Variants in DSCAM observed in about 807,000 individuals in gnomAD.
DSCAM encodes the protein DS cell adhesion molecule, also known as cell adhesion molecule DSCAM.
DSCAM carries 47 observed loss-of-function variants against 217.7 expected under a neutral mutation model. The observed-to-expected ratio is 0.22, with a 90% confidence interval of 0.17 to 0.28. DSCAM has a LOEUF of 0.28. DSCAM is among the 10% of genes least tolerant of loss of function. The pLI is 1.00. For synonymous variants in DSCAM, 1,056 were observed against 1,015.3 expected (o/e 1.04, Z -0.76); for missense variants, 2,080 against 2,618.3 (o/e 0.79, Z 4.49).
At chr21:40,540,661 G>A (rs551184786) in intron 3 of DSCAM, among the ~76,000 whole-genome samples, 19 of 152,226 alleles carry the variant, frequency 1.2e-4, no homozygotes, top group Non-Finnish European at 2.6e-4. Context: ...GAGAGGGGGT[G>A]CTGCTTAGGC....
intron 3 of DSCAM, among the ~76,000 whole-genome samples, chr21:40,555,983 G>A (rs1254659478): frequency 6.6e-6 from 1 of 152,046 alleles, no homozygotes; most frequent in South Asian, 2.1e-4. Flanking sequence ...GGGTGAGAGA[G>A]GTACCTGTTA....
At chr21:40,660,692 G>A (rs780221368) in intron 3 of DSCAM, among the ~76,000 whole-genome samples, 25 of 152,246 alleles carry the variant, frequency 1.6e-4, no homozygotes, top group Non-Finnish European at 3.1e-4. Context: ...TCTAAAATGT[G>A]AGAAATTCTG....
At chr21:40,492,573 A>G (rs2076084651) in intron 3 of DSCAM, among the ~76,000 whole-genome samples, 1 of 152,134 alleles carries the variant, frequency 6.6e-6, no homozygotes, top group Non-Finnish European at 1.5e-5. Context: ...TTCTGGAGCT[A>G]GAAAATACAA....
chr21:40,559,881 C>T (rs1003319689), intron 3 of DSCAM, among the ~76,000 whole-genome samples: 1 of 151,210 alleles, frequency 6.6e-6, no homozygotes, highest in Non-Finnish European at 1.5e-5. Context: ...CAAGCTCCGC[C>T]TCCCGAGTTC....
intron 20 of DSCAM, among the ~76,000 whole-genome samples, chr21:40,113,248 C>G (rs2089923554): frequency 6.6e-6 from 1 of 152,146 alleles, no homozygotes; most frequent in Admixed American, 6.5e-5. Flanking sequence ...GGATGCAAGG[C>G]TGGTTCAGCA....
At chr21:40,253,229 C>T (rs1181787381) in intron 11 of DSCAM, among the ~76,000 whole-genome samples, 1 of 152,186 alleles carries the variant, frequency 6.6e-6, no homozygotes, top group South Asian at 2.1e-4. Context: ...TGGGGAGCAT[C>T]GTGGGAGGGA....
chr21:40,086,389 T>C (rs931589875), intron 22 of DSCAM, among the ~76,000 whole-genome samples: 3 of 152,244 alleles, frequency 2.0e-5, no homozygotes, highest in African/African-American at 7.2e-5. Context: ...TTCATTTGGA[T>C]GAACCAACTT....
At chr21:40,430,564 G>A (rs936681111) in intron 3 of DSCAM, among the ~76,000 whole-genome samples, 1 of 152,214 alleles carries the variant, frequency 6.6e-6, no homozygotes, top group African/African-American at 2.4e-5. Flanking sequence ...TCAGCTTGCA[G>A]ACAGCCTCTT....
chr21:40,774,205 G>A (rs1018228006), intron 1 of DSCAM, among the ~76,000 whole-genome samples: 1 of 152,210 alleles, frequency 6.6e-6, no homozygotes, highest in Non-Finnish European at 1.5e-5. Context: ...CTCTCTCTGA[G>A]ATTTTAATAA....
rs142689524 is a variant in DSCAM at position 40,736,963 on chromosome 21, G to A, written c.44-28192C>T. ...ATCAAAAATTACATTTAAAAAGACC[G>A]TGAAACACTATAGAAAATACTTAAG... On this transcript the variant is annotated intron_variant, in intron 1 of 32. Transcript: ENST00000400454. Among the ~76,000 whole-genome samples, 545 of 152,156 alleles carry A rather than the reference G, an allele frequency of 3.6e-3. 4 individuals are homozygous for A. The highest frequency in any genetic ancestry group is 0.012 in the African/African-American group (497 of 41,534).
chr21:40,550,213 G>C (rs1455877996), intron 3 of DSCAM, among the ~76,000 whole-genome samples: 2 of 152,072 alleles, frequency 1.3e-5, no homozygotes, highest in Admixed American at 6.6e-5. Context: ...GCTTTCTGCT[G>C]TTTAGCCATC....
At chr21:40,174,228 T>C (rs2090694918) in intron 15 of DSCAM, among the ~76,000 whole-genome samples, 1 of 152,200 alleles carries the variant, frequency 6.6e-6, no homozygotes, top group Non-Finnish European at 1.5e-5. Flanking sequence ...GGTGTGGTCT[T>C]GGCTTCATGG....
intron 32 of DSCAM, among the ~76,000 whole-genome samples, chr21:40,039,375 A>G (rs1408438027): frequency 4.8e-5 from 4 of 84,064 alleles, no homozygotes; most frequent in African/African-American, 1.9e-4. Context: ...GTAGATTTAA[A>G]TGTCCTTTTG....
At chr21:40,645,049 A>C (rs1163290693) in intron 3 of DSCAM, among the ~76,000 whole-genome samples, 4 of 152,174 alleles carry the variant, frequency 2.6e-5, no homozygotes, top group African/African-American at 9.6e-5. Flanking sequence ...AGAAGCATAC[A>C]CATACCGGGG....
rs549607277 is a variant in DSCAM, at chr21:40,747,655, A to G, written c.44-38884T>C. Among the ~76,000 whole-genome samples the G allele has an allele frequency of 9.1e-4, 138 of 152,034 alleles. 3 individuals carry two copies. Among genetic ancestry groups the G allele is most frequent in the Middle Eastern group, 6.8e-3 (2 of 294 alleles). Reference sequence around the variant, plus strand: ...AGAAGATTTACAACTAATCTTTCTCACAAGAATTCTACCAATTCTTCCAAA... The same window carrying G: ...AGAAGATTTACAACTAATCTTTCTCGCAAGAATTCTACCAATTCTTCCAAA... On this transcript the variant is annotated intron_variant, in intron 1 of 32. Transcript: ENST00000400454.
chr21:40,639,558 T>A (rs779890435), intron 3 of DSCAM, among the ~76,000 whole-genome samples: 11 of 152,224 alleles, frequency 7.2e-5, no homozygotes, highest in Admixed American at 3.3e-4. Flanking sequence ...ACATATAGAA[T>A]GAACATACAA....
chr21:40,309,339 C>G (rs79169129), intron 9 of DSCAM, among the ~76,000 whole-genome samples: 7,295 of 152,278 alleles, frequency 0.048, 261 homozygotes, highest in Middle Eastern at 0.092. Context: ...GTGACCAACT[C>G]TTGGTTTTCC....
At chr21:40,526,870 C>T (rs756544150) in intron 3 of DSCAM, among the ~76,000 whole-genome samples, 2 of 151,680 alleles carry the variant, frequency 1.3e-5, no homozygotes, top group Non-Finnish European at 2.9e-5. Flanking sequence ...CTCAGTGGTA[C>T]AAAATATGCT....
chr21:40,572,084 G>GT (rs1491443291), intron 3 of DSCAM, among the ~76,000 whole-genome samples: 34 of 68,608 alleles, frequency 5.0e-4, no homozygotes, highest in East Asian at 4.1e-3. Context: ...GTGTGTGTGT[G>GT]GGTGTGTGTG....
Sources: gnomAD v4.1 joint callset for allele counts (sites outside exome capture counted in the v4.1 genomes callset) on GRCh38, gnomAD v4.1.1 for gene constraint, MANE v1.5 for transcripts, NCBI Gene and HGNC (gene_info 2026-07-23, HGNC 2026-07-21) for gene names.